TENT2: variants seen among roughly 807,000 people sequenced by gnomAD.
TENT2 encodes the protein terminal nucleotidyltransferase 2.
Under a neutral mutation model 72.2 loss-of-function variants are expected in TENT2, and 44 were observed. The ratio of observed to expected loss-of-function variants is 0.61; its 90% CI spans 0.48 to 0.78. The LOEUF (loss-of-function observed/expected upper bound fraction) is 0.78. TENT2 is among the 30% of genes least tolerant of loss of function. TENT2 has a pLI of 0.00. For missense variants in TENT2, 541 were observed against 569.6 expected, an observed-to-expected ratio of 0.95 and a Z score of 0.51; for synonymous variants, 212 against 192.5, an observed-to-expected ratio of 1.10 and a Z score of -0.84.
At chr5:79,667,058 C>T (rs764952267) in intron 11 of TENT2, among the ~76,000 whole-genome samples, 5 of 152,186 alleles carry the variant, frequency 3.3e-5, no homozygotes, top group African/African-American at 4.8e-5. Context: ...TTGTCGGTCT[C>T]AGGTCATTCA....
At chr5:79,668,331 A>G (rs1332248322) in intron 11 of TENT2, among the ~76,000 whole-genome samples, 2 of 152,064 alleles carry the variant, frequency 1.3e-5, no homozygotes, top group Non-Finnish European at 2.9e-5. Context: ...AGCTTAATTC[A>G]GGTTGAACAT....
At chr5:79,624,564 C>T (rs1318313319) in intron 4 of TENT2, among the ~76,000 whole-genome samples, 4 of 152,094 alleles carry the variant, frequency 2.6e-5, no homozygotes, top group Non-Finnish European at 5.9e-5. Flanking sequence ...ACCTTGTACC[C>T]AATAACAGTC....
intron 4 of TENT2, among the ~76,000 whole-genome samples, chr5:79,637,798 C>CT (rs60911107): frequency 0.18 from 21,931 of 122,376 alleles, 3,040 homozygotes; most frequent in African/African-American, 0.37. Context: ...TCCTCTTTTG[C>CT]TTTTTTTTTT....
chr5:79,674,066 A>G (rs527958409), intron 12 of TENT2, among the ~76,000 whole-genome samples: 1 of 152,272 alleles, frequency 6.6e-6, no homozygotes, highest in South Asian at 2.1e-4. Context: ...ACCTGGCCTA[A>G]TCTCCTCAAA....
At chr5:79,663,378 G>T (rs1804591030) in intron 11 of TENT2, among the ~76,000 whole-genome samples, 1 of 152,184 alleles carries the variant, frequency 6.6e-6, no homozygotes, top group African/African-American at 2.4e-5. Flanking sequence ...CTTTTGGCTT[G>T]TATTGGTTTT....
intron 4 of TENT2, among the ~76,000 whole-genome samples, chr5:79,633,033 A>G (rs1253678303): frequency 6.6e-6 from 1 of 152,204 alleles, no homozygotes; most frequent in Non-Finnish European, 1.5e-5. Context: ...CTTACACAAA[A>G]ACATAGTAAT....
rs1277656007 is a variant in TENT2, at chr5:79,687,089, C to G, written c.*1816C>G. Among the ~76,000 whole-genome samples the G allele has an allele frequency of 6.6e-6, 1 of 151,706 alleles. No homozygotes were observed. The highest frequency in any genetic ancestry group is 1.5e-5 in the Non-Finnish European group (1 of 67,962). ...ATTTACCATGGTGTGGGTTCCTTCA[C>G]TGTCACTGTTTTCTCAGTTTTCAGT... On this transcript the variant is annotated 3_prime_UTR_variant, in exon 15 of 15. Coordinates refer to ENST00000453514, the MANE Select transcript of TENT2 (RefSeq NM_001114394.3).
intron 12 of TENT2, among the ~76,000 whole-genome samples, chr5:79,669,962 C>A (rs1811621763): frequency 6.6e-6 from 1 of 152,010 alleles, no homozygotes; most frequent in African/African-American, 2.4e-5. Context: ...GGCGCGGTAG[C>A]TCATGCCTGT....
intron 9 of TENT2, 48 bp downstream of exon 9, chr5:79,648,741 C>A: frequency 2.2e-6 from 3 of 1,376,578 alleles, no homozygotes; most frequent in African/African-American, 1.5e-5. Context: ...TTTCTTTATT[C>A]ATTTTTAAAG....
intron 7 of TENT2, among the ~76,000 whole-genome samples, chr5:79,644,286 T>C (rs930718106): frequency 3.9e-5 from 6 of 152,166 alleles, no homozygotes; most frequent in Admixed American, 2.0e-4. Flanking sequence ...CCAGCTGATA[T>C]ATATTCTGTA....
At chr5:79,668,707 ACATT>A (rs1810459256) in intron 11 of TENT2, 181 bp from the exon 12 acceptor site, 1 of 551,286 alleles carries the variant, frequency 1.8e-6, no homozygotes, top group Non-Finnish European at 3.2e-6. Flanking sequence ...TTTTTCAGGT[ACATT>A]CTGGTCTACT....
At chr5:79,659,556 G>GTGTA (rs1168849605) in intron 11 of TENT2, among the ~76,000 whole-genome samples, 13 of 34,276 alleles carry the variant, frequency 3.8e-4, no homozygotes, top group Non-Finnish European at 4.7e-4. Context: ...AAAAAAAAAT[G>GTGTA]TATATATATA....
chr5:79,641,211 A>T lies in TENT2; in HGVS notation c.672+15A>T. On this transcript the variant is annotated intron_variant, in intron 6 of 14. Coordinates refer to ENST00000453514, the MANE Select transcript of TENT2 (RefSeq NM_001114394.3). ...AGGAAGAACCAGTAAGTAAGGAAACATTTATTCCAAGTGTGTTTCTCATGT... is the reference window on the plus strand; with the variant it reads ...AGGAAGAACCAGTAAGTAAGGAAACTTTTATTCCAAGTGTGTTTCTCATGT... 3 of 1,525,498 alleles carry T rather than the reference A, an allele frequency of 2.0e-6. No individual in the cohort carries two copies. Among genetic ancestry groups the T allele is most frequent in the Admixed American group, 2.4e-5 (1 of 41,450 alleles). 94.5% of individuals were successfully genotyped at this position (1,525,498 alleles called of 1,614,324 possible). A position where few individuals can be genotyped will look rare whatever the true frequency, so the allele number is the denominator to read the frequency against.
rs925061495 is a variant in TENT2 at position 79,623,598 on chromosome 5, T to G, written c.465+109T>G. On this transcript the variant is annotated intron_variant, in intron 4 of 14. Transcript: ENST00000453514. ...TTAAGTAGAACGTGCCTTTTTTTGTTGCAATGTTTAAAGTACTATTCAGCC... is the reference window on the plus strand; with the variant it reads ...TTAAGTAGAACGTGCCTTTTTTTGTGGCAATGTTTAAAGTACTATTCAGCC... 6 of 716,166 alleles carry G rather than the reference T, an allele frequency of 8.4e-6. 1 individual carries two copies. In the Admixed American group the frequency reaches 2.1e-4, roughly 25 times the overall value. The allele number at this position is 716,166 out of a possible 1,614,324, so 44.4% of individuals were successfully genotyped here. A position where few individuals can be genotyped will look rare whatever the true frequency, so the allele number is the denominator to read the frequency against.
intron 12 of TENT2, among the ~76,000 whole-genome samples, chr5:79,674,379 G>A (rs1201714919): frequency 6.6e-6 from 1 of 152,218 alleles, no homozygotes; most frequent in Non-Finnish European, 1.5e-5. Flanking sequence ...TCCAGCCTGG[G>A]CGACAGGGCG....
intron 1 of TENT2, among the ~76,000 whole-genome samples, chr5:79,613,312 C>G (rs1428149006): frequency 6.6e-6 from 1 of 152,160 alleles, no homozygotes; most frequent in Non-Finnish European, 1.5e-5. Context: ...TGTCTTATCT[C>G]TTTCAACTCT....
chr5:79,636,275 T>C (rs999728476), intron 4 of TENT2, among the ~76,000 whole-genome samples: 6 of 152,242 alleles, frequency 3.9e-5, no homozygotes, highest in Non-Finnish European at 5.9e-5. Flanking sequence ...TAAATCCTTA[T>C]GTTGCCCACT....
intron 10 of TENT2, among the ~76,000 whole-genome samples, chr5:79,655,254 G>T (rs1323183541): frequency 1.3e-5 from 2 of 151,996 alleles, no homozygotes; most frequent in Non-Finnish European, 2.9e-5. Context: ...ATCTTTTAAA[G>T]TTGTAACATA....
chr5:79,661,249 C>CCTT (rs1158375174), intron 11 of TENT2, among the ~76,000 whole-genome samples: 1 of 152,076 alleles, frequency 6.6e-6, no homozygotes, highest in Non-Finnish European at 1.5e-5. Context: ...ATGTTCTAGG[C>CCTT]CTTCACATTC....
Sources: allele counts gnomAD v4.1 joint callset (sites outside exome capture counted in the v4.1 genomes callset), GRCh38; gene constraint gnomAD v4.1.1; transcripts MANE v1.5; gene names NCBI Gene and HGNC (gene_info 2026-07-23, HGNC 2026-07-21).